The following FRAS1 variants were observed in gnomAD, a reference collection of about 807,000 sequenced individuals.
The protein encoded by FRAS1 is Fraser extracellular matrix complex subunit 1, also known as extracellular matrix organizing protein FRAS1.
In FRAS1, 290 loss-of-function variants were observed where a neutral mutation model predicts 435.2. The observed-to-expected ratio is 0.67, with a 90% CI of 0.61 to 0.73. The LOEUF (loss-of-function observed/expected upper bound fraction) is 0.73. Among genes scored for constraint, FRAS1 ranks in the 30% least tolerant of loss-of-function variants. FRAS1 has a pLI of 0.00. For missense variants in FRAS1, 4,860 were observed against 5,001.5 expected (o/e 0.97, Z 0.85); for synonymous variants, 1,800 against 1,851.0 (o/e 0.97, Z 0.71).
intron 15 of FRAS1, among the ~76,000 whole-genome samples, chr4:78,312,859 AAG>A (rs61199249): frequency 1.3e-4 from 16 of 121,762 alleles, no homozygotes; most frequent in South Asian, 2.8e-4. Flanking sequence ...GAAAGAAAGA[AAG>A]AGAGAGAGAG....
At chr4:78,197,325 G>A (rs915489745) in intron 2 of FRAS1, among the ~76,000 whole-genome samples, 2 of 152,084 alleles carry the variant, frequency 1.3e-5, no homozygotes, top group African/African-American at 4.8e-5. Flanking sequence ...TCTGTAAAGC[G>A]GGACAAACAG....
At chr4:78,328,692 C>G (rs1487991188) in intron 18 of FRAS1, among the ~76,000 whole-genome samples, 1 of 151,922 alleles carries the variant, frequency 6.6e-6, no homozygotes, top group Non-Finnish European at 1.5e-5. Context: ...TTTTGAGGGC[C>G]CATCTAAAAC....
intron 22 of FRAS1, among the ~76,000 whole-genome samples, chr4:78,368,671 G>T (rs191121672): frequency 2.0e-5 from 3 of 152,120 alleles, no homozygotes; most frequent in Non-Finnish European, 4.4e-5. Flanking sequence ...CACTCAAATG[G>T]AAATTGCTAT....
chr4:78,127,919 C>T (rs1376598653), intron 2 of FRAS1, among the ~76,000 whole-genome samples: 1 of 130,570 alleles, frequency 7.7e-6, no homozygotes, highest in Non-Finnish European at 1.6e-5. Flanking sequence ...CACCCCACAA[C>T]AGGCCCTGGT....
At chr4:78,300,437 G>T (rs1728330617) in intron 14 of FRAS1, among the ~76,000 whole-genome samples, 1 of 152,148 alleles carries the variant, frequency 6.6e-6, no homozygotes, top group Admixed American at 6.5e-5. Flanking sequence ...CTGCCCTCAT[G>T]GAGCTTACGG....
At chr4:78,358,903 T>TA (rs35490074) in intron 20 of FRAS1, among the ~76,000 whole-genome samples, 2 of 152,082 alleles carry the variant, frequency 1.3e-5, no homozygotes, top group East Asian at 3.8e-4. Flanking sequence ...TGATATTGAG[T>TA]AAAAAAGGTA....
In FRAS1 at chr4:78,373,446, C is replaced by CTAATAATAA. The variant is rs3086797; in HGVS notation, c.3010+621_3011-624dup. On this transcript the variant is annotated intron_variant, in intron 24 of 73. Coordinates refer to ENST00000512123, the MANE Select transcript of FRAS1 (RefSeq NM_025074.7). ...GCAAAACAGTACTGAGAGCCAAGGA[C>CTAATAATAA]TAATAATAATAATAATAATAATAAT... Among the ~76,000 whole-genome samples the CTAATAATAA allele has an allele frequency of 8.7e-3, 1,202 of 138,884 alleles. 6 individuals carry two copies. The highest frequency in any genetic ancestry group is 0.014 in the Middle Eastern group (4 of 276). The allele number at this position is 138,884 out of a possible 152,430, so 91.1% of individuals were successfully genotyped here. A position where few individuals can be genotyped will look rare whatever the true frequency, so the allele number is the denominator to read the frequency against.
At chr4:78,094,658 T>C (rs1273536105) in intron 2 of FRAS1, among the ~76,000 whole-genome samples, 1 of 152,178 alleles carries the variant, frequency 6.6e-6, no homozygotes, top group Non-Finnish European at 1.5e-5. Flanking sequence ...AATTAATTAT[T>C]GTATAGTCAA....
In FRAS1 at chr4:78,099,480, G is replaced by A. The variant is rs76173547; in HGVS notation, c.108+33464G>A. 5.3e-3 allele frequency among the ~76,000 whole-genome samples: 806 copies of A among 152,182 alleles called. 6 individuals carry two copies. Among genetic ancestry groups the A allele is most frequent in the Non-Finnish European group, 8.4e-3 (570 of 68,020 alleles). On this transcript the variant is annotated intron_variant, in intron 2 of 73. Transcript: ENST00000512123. ...CCATTTAAAAGATGGGGGTGAAAGG[G>A]GCACGTAAAATAGGAGGTAAATTAA...
chr4:78,181,529 C>T (rs1224856255), intron 2 of FRAS1: 18 of 1,611,526 alleles, frequency 1.1e-5, no homozygotes, highest in African/African-American at 1.3e-5. Flanking sequence ...TCCACGGCCC[C>T]CTCGACCTCT....
chr4:78,196,877 G>T (rs1722835117), intron 2 of FRAS1, among the ~76,000 whole-genome samples: 1 of 152,140 alleles, frequency 6.6e-6, no homozygotes, highest in Admixed American at 6.5e-5. Context: ...AGAATCATGG[G>T]ATTCCATAAG....
At chr4:78,269,165 CTT>C in intron 9 of FRAS1, among the ~76,000 whole-genome samples, 1 of 152,192 alleles carries the variant, frequency 6.6e-6, no homozygotes, top group Non-Finnish European at 1.5e-5. Context: ...AACTTCCTAA[CTT>C]CGGCTTAGCT....
At chr4:78,195,123 TC>T (rs1372785850) in intron 2 of FRAS1, among the ~76,000 whole-genome samples, 1 of 152,144 alleles carries the variant, frequency 6.6e-6, no homozygotes, top group Non-Finnish European at 1.5e-5. Context: ...GCCTGATCGT[TC>T]CTCCGGAAGT....
chr4:78,523,179 G>A (rs1170410960), intron 69 of FRAS1, among the ~76,000 whole-genome samples: 1 of 152,160 alleles, frequency 6.6e-6, no homozygotes, highest in African/African-American at 2.4e-5. Context: ...TATATAAATA[G>A]GAAGTGCTTA....
intron 3 of FRAS1, among the ~76,000 whole-genome samples, chr4:78,239,364 A>C (rs1199192682): frequency 1.3e-5 from 2 of 152,126 alleles, no homozygotes; most frequent in African/African-American, 4.8e-5. Flanking sequence ...AGTAAATTCC[A>C]AATGTGACTT....
Position 78,282,835 on chromosome 4 carries a change from G to A in FRAS1, c.1123G>A (p.Glu375Lys), listed in dbSNP as rs1294074495. The A allele has an allele frequency of 1.2e-6, 2 of 1,613,414 alleles. No homozygotes were observed. The highest frequency in any genetic ancestry group is 1.7e-6 in the Non-Finnish European group (2 of 1,179,754). ...TTTTGCGTAGGAGGGAGAGAAGTGG[G>A]AAGATGGCCCTTGCAAGGTGTGTGA... Reference protein sequence around the residue: ...VKRIPEGEKWEDGPCKVCECR... With the variant: ...VKRIPEGEKWKDGPCKVCECR... The change falls in exon 12 of 74, where the codon GAA (glutamate) becomes AAA (lysine). Residue 375 changes from glutamate (E) to lysine (K), a missense_variant. Transcript: ENST00000512123.
chr4:78,432,908 T>A (rs1734269845), intron 38 of FRAS1, among the ~76,000 whole-genome samples: 1 of 152,190 alleles, frequency 6.6e-6, no homozygotes, highest in Non-Finnish European at 1.5e-5. Flanking sequence ...TTAAGCTCCA[T>A]TCATTATATT....
chr4:78,506,793 A>G (rs1420543661), intron 61 of FRAS1, among the ~76,000 whole-genome samples: 1 of 152,090 alleles, frequency 6.6e-6, no homozygotes, highest in African/African-American at 2.4e-5. Flanking sequence ...TGAACCAGGT[A>G]CCTCAGTTGG....
chr4:78,233,450 T>C (rs777615952), intron 2 of FRAS1, among the ~76,000 whole-genome samples: 20 of 152,262 alleles, frequency 1.3e-4, no homozygotes, highest in Non-Finnish European at 2.4e-4. Context: ...TTTACTTGTG[T>C]AGACTGGAAT....
Sources: gnomAD v4.1 joint callset for allele counts (sites outside exome capture counted in the v4.1 genomes callset) on GRCh38, gnomAD v4.1.1 for gene constraint, MANE v1.5 for transcripts, NCBI Gene and HGNC (gene_info 2026-07-23, HGNC 2026-07-21) for gene names.